Variants in CTTN observed in about 807,000 individuals in gnomAD.
The protein encoded by CTTN is cortactin, also known as src substrate cortactin.
CTTN carries 28 observed loss-of-function variants against 84.0 expected under a neutral mutation model. The observed-to-expected ratio is 0.33, with a 90% CI of 0.25 to 0.46. The LOEUF (loss-of-function observed/expected upper bound fraction) is 0.46, where lower values mean the gene tolerates loss of function less well. CTTN is among the 20% of genes least tolerant of loss of function. The pLI, the probability that CTTN is intolerant of heterozygous loss-of-function variation, is 1.00. For synonymous variants in CTTN, 301 were observed against 288.8 expected (o/e 1.04, Z -0.43); for missense variants, 641 against 723.8 (o/e 0.89, Z 1.31).
In CTTN at chr11:70,409,818, CTCT is replaced by C. The variant is rs758853954; in HGVS notation, c.162-10_162-8del. The C allele has an allele frequency of 6.2e-7, 1 of 1,613,610 alleles. No individual in the cohort carries two copies. The highest frequency in any genetic ancestry group is 2.2e-5 in the East Asian group (1 of 44,886). On this transcript the variant is annotated splice_polypyrimidine_tract_variant and intron_variant, in intron 4 of 17. Coordinates refer to ENST00000301843, the MANE Select transcript of CTTN (RefSeq NM_005231.4). ...TTTATTGATCTGTTCCTATTTTCAT[CTCT>C]TCCATCAAGCATACACAAGCTGAGG...
intron 1 of CTTN, among the ~76,000 whole-genome samples, chr11:70,401,671 A>AG (rs1270006850): frequency 2.6e-5 from 4 of 151,692 alleles, no homozygotes; most frequent in African/African-American, 4.8e-5. Flanking sequence ...CAAAAAAAAA[A>AG]AGAGAGAGAA....
At chr11:70,419,696 C>A (rs1318173159) in intron 8 of CTTN, 50 bp from the exon 9 acceptor site, 4 of 1,466,950 alleles carry the variant, frequency 2.7e-6, no homozygotes, top group Non-Finnish European at 3.8e-6. Flanking sequence ...CTTGCATGTT[C>A]ACTGATTTCG....
At chr11:70,409,982 A>G (rs781765857) in intron 5 of CTTN, 22 bp downstream of exon 5, 8 of 1,613,494 alleles carry the variant, frequency 5.0e-6, no homozygotes, top group African/African-American at 1.3e-5. Flanking sequence ...GCGGCTGCCT[A>G]TGCCAGGCTC....
intron 4 of CTTN, chr11:70,408,455 T>A (rs1025808081): frequency 6.6e-6 from 1 of 152,300 alleles, no homozygotes; most frequent in South Asian, 2.1e-4. Flanking sequence ...TGGAGTGCAG[T>A]GGTGCAATCA....
intron 9 of CTTN, 169 bp downstream of exon 9, chr11:70,420,025 T>C (rs1056134219): frequency 1.6e-6 from 1 of 631,384 alleles, no homozygotes; most frequent in Non-Finnish European, 2.8e-6. Flanking sequence ...AGCTGCTAAA[T>C]AGGAACTCGC....
At chr11:70,412,166 C>T (rs547023825) in intron 5 of CTTN, among the ~76,000 whole-genome samples, 1 of 152,312 alleles carries the variant, frequency 6.6e-6, no homozygotes, top group Non-Finnish European at 1.5e-5. Flanking sequence ...GGGACTGGCA[C>T]CTGTAATCCC....
intron 8 of CTTN, among the ~76,000 whole-genome samples, chr11:70,419,189 C>T (rs2135575204): frequency 6.6e-6 from 1 of 151,442 alleles, no homozygotes; most frequent in Admixed American, 6.6e-5. Context: ...CGGCTCACTG[C>T]AACCTTCACC....
At chr11:70,411,917 G>T (rs1183811349) in intron 5 of CTTN, among the ~76,000 whole-genome samples, 2 of 152,138 alleles carry the variant, frequency 1.3e-5, no homozygotes, top group Non-Finnish European at 2.9e-5. Context: ...CTCACCTTGT[G>T]CCTGGCTCAG....
At chr11:70,408,667 T>G (rs1018916612) in intron 4 of CTTN, among the ~76,000 whole-genome samples, 1 of 152,210 alleles carries the variant, frequency 6.6e-6, no homozygotes, top group Non-Finnish European at 1.5e-5. Flanking sequence ...CCCAAAGTGC[T>G]GGGATCACAG....
intron 13 of CTTN, among the ~76,000 whole-genome samples, chr11:70,426,508 C>G (rs1265680185): frequency 6.6e-6 from 1 of 152,010 alleles, no homozygotes; most frequent in Non-Finnish European, 1.5e-5. Flanking sequence ...CTGCCTCAGT[C>G]TCCTGGGCTC....
intron 10 of CTTN, among the ~76,000 whole-genome samples, chr11:70,421,182 G>A (rs916503623): frequency 6.6e-6 from 1 of 152,324 alleles, no homozygotes; most frequent in Admixed American, 6.5e-5. Context: ...AGGACGCTAA[G>A]AATGAACTGC....
In CTTN at chr11:70,421,512, A is replaced by G. The variant is rs1390372017; in HGVS notation, c.833A>G (p.Glu278Gly). The G allele has an allele frequency of 6.2e-7, 1 of 1,614,142 alleles. No homozygotes were observed. Among genetic ancestry groups the G allele is most frequent in the Non-Finnish European group, 8.5e-7 (1 of 1,180,012 alleles). Reference sequence around the variant, plus strand: ...GGAGGCAAATTCGGTGTTCAGTCGGAGAGGCAGGACTCCGCTGCTGTGGGG... The same window carrying G: ...GGAGGCAAATTCGGTGTTCAGTCGGGGAGGCAGGACTCCGCTGCTGTGGGG... ...GFGGKFGVQS[E>G]RQDSAAVGFD... Residue 278 changes from glutamate (E) to glycine (G), a missense_variant, in exon 11 of 18, where the codon GAG becomes GGG. Coordinates refer to ENST00000301843, the MANE Select transcript of CTTN (RefSeq NM_005231.4).
Position 70,433,210 on chromosome 11 carries a change from A to C in CTTN, c.1376A>C (p.Gln459Pro), listed in dbSNP as rs145693216. ...GCTGACTACCGAGAGGCCAGCAGCC[A>C]GCAGGGCCTGGCCTATGCCACAGAG... The part of the protein sequence containing the change: ...EAADYREASS[Q>P]QGLAYATEAV... The change falls in exon 16 of 18, where the codon CAG (glutamine) becomes CCG (proline). Residue 459 changes from glutamine to proline, a missense_variant. Around this residue, in one of 3 missense-constraint regions of CTTN, gnomAD observed 289 missense variants for 273.1 expected, o/e 1.06. Coordinates refer to ENST00000301843, the MANE Select transcript of CTTN (RefSeq NM_005231.4). The C allele has an allele frequency of 1.2e-6, 2 of 1,613,340 alleles. No individual in the cohort carries two copies. Among genetic ancestry groups the C allele is most frequent in the African/African-American group, 2.7e-5 (2 of 74,912 alleles).
At chr11:70,417,903 G>A (rs1418480882) in intron 8 of CTTN, among the ~76,000 whole-genome samples, 1 of 152,186 alleles carries the variant, frequency 6.6e-6, no homozygotes, top group Admixed American at 6.5e-5. Context: ...GCTATTGAAT[G>A]TAAAATTTCC....
In CTTN at chr11:70,422,676, C is replaced by T. The variant is rs1462802475; in HGVS notation, c.902-264C>T. 130 of 1,418,572 alleles carry T rather than the reference C, an allele frequency of 9.2e-5. 1 individual carries two copies. In the South Asian group the frequency reaches 1.2e-3, roughly 13 times the overall value. The allele number at this position is 1,418,572 out of a possible 1,614,324, so 87.9% of individuals were successfully genotyped here. ...CCTCGCTTAGCTCCTGCCTGCTGCC[C>T]GCCGCCCCTCCTGCCCCTCCTGCCC... On this transcript the variant is annotated intron_variant, in intron 11 of 17. Transcript: ENST00000301843.
chr11:70,419,303 T>A (rs1206835573), intron 8 of CTTN, among the ~76,000 whole-genome samples: 1 of 151,516 alleles, frequency 6.6e-6, no homozygotes, highest in Non-Finnish European at 1.5e-5. Flanking sequence ...AGAGATGGGG[T>A]TTCATAATGT....
intron 17 of CTTN, 103 bp downstream of exon 17, chr11:70,433,821 G>A (rs17160866): frequency 0.23 from 182,794 of 811,802 alleles, 22,779 homozygotes; most frequent in African/African-American, 0.44. Flanking sequence ...AGTTTTAGAA[G>A]TAATTTATGT....
Position 70,419,940 on chromosome 11 carries a change from G to A in CTTN, c.679+84G>A, listed in dbSNP as rs547548722. The A allele has an allele frequency of 2.2e-4, 220 of 999,314 alleles. 1 individual carries two copies. The highest frequency in any genetic ancestry group is 6.2e-4 in the Middle Eastern group (3 of 4,848). The allele number at this position is 999,314 out of a possible 1,614,324, so 61.9% of individuals were successfully genotyped here. A position where few individuals can be genotyped will look rare whatever the true frequency, so the allele number is the denominator to read the frequency against. On this transcript the variant is annotated intron_variant, in intron 9 of 17. Coordinates refer to ENST00000301843, the MANE Select transcript of CTTN (RefSeq NM_005231.4). ...CACACCGGAAAAGGAAAAACAAAGC[G>A]TTATTGATAGCCCTTAACGTAGATG... is the stretch of plus-strand genomic sequence containing the variant.
intron 14 of CTTN, among the ~76,000 whole-genome samples, chr11:70,430,207 G>A (rs2058339713): frequency 6.6e-6 from 1 of 152,212 alleles, no homozygotes. Context: ...GGTTTGGAGT[G>A]GACACCTGGG....
Sources: allele counts gnomAD v4.1 joint callset (sites outside exome capture counted in the v4.1 genomes callset), GRCh38; gene constraint gnomAD v4.1.1; regional missense constraint gnomAD v4.1.1; transcripts MANE v1.5; gene names NCBI Gene and HGNC (gene_info 2026-07-23, HGNC 2026-07-21).